Variants in TKT observed in about 807,000 individuals in gnomAD.
The protein encoded by TKT is transketolase.
Under a neutral mutation model 63.9 loss-of-function variants are expected in TKT, and 47 were observed. That is an observed-to-expected ratio of 0.74 (90% CI 0.58 to 0.94). TKT has a LOEUF of 0.94. Among genes scored for constraint, TKT ranks in the 40% least tolerant of loss-of-function variants. The pLI, the probability that TKT is intolerant of heterozygous loss-of-function variation, is 0.00. For missense variants in TKT, 721 were observed against 846.2 expected (o/e 0.85, Z 1.84); for synonymous variants, 338 against 334.1 (o/e 1.01, Z -0.13).
Position 53,234,249 on chromosome 3 carries a change from A to C in TKT, c.629+734T>G, listed in dbSNP as rs75482444. The C allele has an allele frequency of 7.0e-3, 1,066 of 152,344 alleles. 9 individuals carry two copies. Among genetic ancestry groups the C allele is most frequent in the Middle Eastern group, 0.01 (3 of 294 alleles). The allele number at this position is 152,344 out of a possible 1,614,324, so 9.4% of individuals were successfully genotyped here. ...GTGCTACTGCAAGGTAACCCCAAGC[A>C]TCCTGTTACTTAGTGTAGTCACAGG... is the stretch of plus-strand genomic sequence containing the variant. On this transcript the variant is annotated intron_variant, in intron 5 of 13. Transcript: ENST00000462138.
rs150100579 is a variant in TKT at position 53,227,697 on chromosome 3, T to C, written c.1573+359A>G. 2.7e-5 allele frequency: 6 copies of C among 222,298 alleles called. No individual in the cohort carries two copies. The East Asian group carries it at 5.0e-4, about 19-fold the overall frequency. 13.8% of individuals were successfully genotyped at this position (222,298 alleles called of 1,614,324 possible). On this transcript the variant is annotated intron_variant, in intron 12 of 13. Transcript: ENST00000462138. ...GGGGCTAGTATCTCCATTTTACAGA[T>C]AGGAAAACAGGCATGGTGACAGTGA...
intron 13 of TKT, 195 bp from the exon 14 acceptor site, chr3:53,226,126 C>T (rs772747082): frequency 5.9e-6 from 3 of 507,222 alleles, no homozygotes; most frequent in Non-Finnish European, 1.0e-5. Context: ...ACCATGTTGC[C>T]CAGGCTGGTC....
intron 4 of TKT, among the ~76,000 whole-genome samples, 173 bp downstream of exon 4, chr3:53,240,078 C>A (rs554263549): frequency 6.6e-6 from 1 of 152,330 alleles, no homozygotes; most frequent in Non-Finnish European, 1.5e-5. Context: ...TAAAGGGGGC[C>A]GGTCATGGCA....
At chr3:53,231,215 C>T (rs1704740411) in intron 7 of TKT, 142 bp downstream of exon 7, 2 of 921,708 alleles carry the variant, frequency 2.2e-6, no homozygotes, top group African/African-American at 1.7e-5. Flanking sequence ...AGGGAAGTGA[C>T]AGGAACAACA....
chr3:53,244,802 G>C (rs1705434920), intron 1 of TKT, among the ~76,000 whole-genome samples: 1 of 151,502 alleles, frequency 6.6e-6, no homozygotes, highest in Non-Finnish European at 1.5e-5. Context: ...GATGGGGTGA[G>C]GAGCACGGTG....
Position 53,225,980 on chromosome 3 carries a change from G to A in TKT, c.1697-49C>T, listed in dbSNP as rs3816767. The A allele has an allele frequency of 0.43, 662,729 of 1,558,256 alleles. 143,881 individuals carry two copies. Among genetic ancestry groups the A allele is most frequent in the East Asian group, 0.56 (24,598 of 43,710 alleles). ...AGAAGACGAGGCCTCAGGGTGAGCAGTGGTGGGCCCAGCCCTCTGTCAGCC... is the reference window on the plus strand; with the variant it reads ...AGAAGACGAGGCCTCAGGGTGAGCAATGGTGGGCCCAGCCCTCTGTCAGCC... On this transcript the variant is annotated intron_variant, in intron 13 of 13. Coordinates refer to ENST00000462138, the MANE Select transcript of TKT (RefSeq NM_001064.4).
At chr3:53,241,595 G>C (rs531826797) in intron 2 of TKT, among the ~76,000 whole-genome samples, 2 of 152,346 alleles carry the variant, frequency 1.3e-5, no homozygotes, top group South Asian at 4.1e-4. Context: ...GCCTGCCCGA[G>C]AGACCAAACG....
chr3:53,255,492 C>G (rs930524303), intron 1 of TKT, among the ~76,000 whole-genome samples: 1 of 152,172 alleles, frequency 6.6e-6, no homozygotes, highest in Admixed American at 6.5e-5. Context: ...GGTGGCCTTC[C>G]CGGCATCACC....
Position 53,226,879 on chromosome 3 carries a change from C to T in TKT, c.1574-1G>A, listed in dbSNP as rs1446342371. 4 of 1,605,132 alleles carry T rather than the reference C, an allele frequency of 2.5e-6. No individual in the cohort carries two copies. Among genetic ancestry groups the T allele is most frequent in the Non-Finnish European group, 3.4e-6 (4 of 1,174,960 alleles). ...TCCAGCACGCGGATGTTGATCTTTT[C>T]TGTGAGGGAGAGCACACGGCGTGGC... is the stretch of plus-strand genomic sequence containing the variant. On this transcript the variant is annotated splice_acceptor_variant, in intron 12 of 13. Coordinates refer to ENST00000462138, the MANE Select transcript of TKT (RefSeq NM_001064.4). LOFTEE classifies it high-confidence loss of function.
At chr3:53,228,000 A>G in intron 12 of TKT, 56 bp downstream of exon 12, 1 of 1,475,278 alleles carries the variant, frequency 6.8e-7, no homozygotes, top group Non-Finnish European at 9.4e-7. Flanking sequence ...AAGAACCCCA[A>G]GACCTAGCAT....
chr3:53,233,443 G>T (rs1553677721), intron 5 of TKT, 169 bp from the exon 6 acceptor site: 6 of 498,074 alleles, frequency 1.2e-5, no homozygotes, highest in South Asian at 6.6e-5. Flanking sequence ...TTCCAGTTTG[G>T]GTTTTTTAAA....
intron 4 of TKT, among the ~76,000 whole-genome samples, chr3:53,236,747 G>A (rs1705049713): frequency 6.6e-6 from 1 of 152,206 alleles, no homozygotes; most frequent in South Asian, 2.1e-4. Context: ...GCACAGCTTT[G>A]GCTTCGAGAC....
rs1379086506 is a variant in TKT, at chr3:53,253,289, CCTTT to C, written c.107+2543_107+2546del. Among the ~76,000 whole-genome samples, 13 of 152,122 alleles carry C rather than the reference CCTTT, an allele frequency of 8.5e-5. No homozygotes were observed. In the South Asian group the frequency reaches 1.3e-3, roughly 15 times the overall value. On this transcript the variant is annotated intron_variant, in intron 1 of 13. Coordinates refer to ENST00000462138, the MANE Select transcript of TKT (RefSeq NM_001064.4). ...TGCCCAACTATTTTTCTTTTCTTGG[CCTTT>C]CTTTCTTTCTCTCTCTCTCTCTTTC... is the stretch of plus-strand genomic sequence containing the variant.
chr3:53,234,819 C>T, intron 5 of TKT, 164 bp downstream of exon 5: 1 of 670,456 alleles, frequency 1.5e-6, no homozygotes, highest in Non-Finnish European at 2.3e-6. Flanking sequence ...GCCATTAAGT[C>T]CAAATGCCTA....
intron 12 of TKT, chr3:53,227,644 G>GGT (rs1704556545): frequency 1.1e-5 from 2 of 176,456 alleles, no homozygotes; most frequent in South Asian, 2.4e-4. Flanking sequence ...TCACATGCAT[G>GGT]TAACCCTCAG....
chr3:53,230,029 G>A (rs1553676639), intron 8 of TKT, among the ~76,000 whole-genome samples: 1 of 152,194 alleles, frequency 6.6e-6, no homozygotes, highest in Non-Finnish European at 1.5e-5. Flanking sequence ...CATGTCAGGG[G>A]CCCAGAGTTC....
Position 53,255,885 on chromosome 3 carries a change from T to G in TKT, c.58A>C (p.Asn20His), listed in dbSNP as rs1366477714. The change falls in exon 1 of 14, where the codon AAC (asparagine) becomes CAC (histidine). Residue 20 changes from asparagine to histidine, a missense_variant. Transcript: ENST00000462138. ...QKLQALKDTANRLRISSIQAT... is the reference protein window; with the variant it reads ...QKLQALKDTAHRLRISSIQAT... Reference sequence around the variant, plus strand: ...TGGATGGAGCTGATACGTAGGCGGTTGGCCGTGTCCTTCAAGGCCTGCAGC... The same window carrying G: ...TGGATGGAGCTGATACGTAGGCGGTGGGCCGTGTCCTTCAAGGCCTGCAGC... 1.3e-6 allele frequency: 2 copies of G among 1,550,460 alleles called. No homozygotes were observed. The highest frequency in any genetic ancestry group is 2.9e-5 in the African/African-American group (2 of 70,112).
intron 1 of TKT, among the ~76,000 whole-genome samples, chr3:53,242,466 G>A (rs1705323495): frequency 6.6e-6 from 1 of 152,128 alleles, no homozygotes; most frequent in African/African-American, 2.4e-5. Context: ...GCTGGGGACT[G>A]TTGTACCTTT....
chr3:53,250,935 A>AG (rs1553681560), intron 1 of TKT, among the ~76,000 whole-genome samples: 1 of 151,960 alleles, frequency 6.6e-6, no homozygotes, highest in Non-Finnish European at 1.5e-5. Context: ...GCACATGCAC[A>AG]GCTCTTTCTT....
Sources: allele counts gnomAD v4.1 joint callset (sites outside exome capture counted in the v4.1 genomes callset), GRCh38; gene constraint gnomAD v4.1.1; transcripts MANE v1.5; gene names NCBI Gene and HGNC (gene_info 2026-07-23, HGNC 2026-07-21).